FNDC1: variants seen among roughly 807,000 people sequenced by gnomAD.
The protein encoded by FNDC1 is fibronectin type III domain-containing protein 1.
FNDC1 carries 96 observed loss-of-function variants against 168.0 expected under a neutral mutation model. The ratio of observed to expected loss-of-function variants is 0.57; its 90% CI spans 0.48 to 0.68. The LOEUF is 0.68. Ranked by LOEUF, FNDC1 falls within the 30% of genes least tolerant of loss-of-function variation. The pLI, the probability that FNDC1 is intolerant of heterozygous loss-of-function variation, is 0.00. For missense variants in FNDC1, 2,587 were observed against 2,482.1 expected, an observed-to-expected ratio of 1.04 and a Z score of -0.90; for synonymous variants, 1,099 against 1,025.9, an observed-to-expected ratio of 1.07 and a Z score of -1.36.
intron 17 of FNDC1, among the ~76,000 whole-genome samples, chr6:159,252,968 A>G (rs992954874): frequency 2.0e-5 from 3 of 152,014 alleles, no homozygotes; most frequent in African/African-American, 7.3e-5. Flanking sequence ...CTTTCAGAGA[A>G]CTCCCAACAA....
At chr6:159,268,907 C>T (rs532063943) in intron 22 of FNDC1, among the ~76,000 whole-genome samples, 5 of 151,302 alleles carry the variant, frequency 3.3e-5, no homozygotes, top group African/African-American at 1.2e-4. Flanking sequence ...ATCCATCCAT[C>T]TGTTCATCTG....
intron 19 of FNDC1, among the ~76,000 whole-genome samples, chr6:159,263,634 C>T (rs1028696478): frequency 1.1e-4 from 16 of 151,848 alleles, no homozygotes; most frequent in Admixed American, 2.6e-4. Context: ...TGGTGGCGGG[C>T]GCCTGTAGTC....
chr6:159,255,503 C>T (rs1777354786), intron 17 of FNDC1, among the ~76,000 whole-genome samples: 2 of 152,224 alleles, frequency 1.3e-5, no homozygotes, highest in Admixed American at 6.5e-5. Context: ...TTTCCCAGTG[C>T]ACCCTGCGGC....
intron 14 of FNDC1, among the ~76,000 whole-genome samples, chr6:159,243,597 C>T (rs1390259299): frequency 6.6e-6 from 1 of 152,148 alleles, no homozygotes; most frequent in Non-Finnish European, 1.5e-5. Context: ...TGGTTGATGG[C>T]TGGCAACTAT....
intron 1 of FNDC1, among the ~76,000 whole-genome samples, chr6:159,175,278 AG>A (rs1781739165): frequency 6.6e-6 from 1 of 152,192 alleles, no homozygotes; most frequent in South Asian, 2.1e-4. Flanking sequence ...TAATTTTCAC[AG>A]TGACCTTACG....
At chr6:159,199,413 T>G (rs978627794) in intron 2 of FNDC1, among the ~76,000 whole-genome samples, 1 of 152,164 alleles carries the variant, frequency 6.6e-6, no homozygotes, top group East Asian at 1.9e-4. Flanking sequence ...ATATATATAT[T>G]TTTCTAGCTT....
intron 4 of FNDC1, among the ~76,000 whole-genome samples, chr6:159,206,095 C>A (rs1225540012): frequency 6.6e-6 from 1 of 152,228 alleles, no homozygotes; most frequent in Middle Eastern, 3.2e-3. Context: ...GTCATTGGCA[C>A]TTGGTGCAAA....
At chr6:159,239,333 T>C (rs931598606) in intron 13 of FNDC1, among the ~76,000 whole-genome samples, 184 bp from the exon 14 acceptor site, 2 of 152,212 alleles carry the variant, frequency 1.3e-5, no homozygotes. Flanking sequence ...ATTTCTTCCT[T>C]TGCTAGACAC....
chr6:159,239,893 G>A lies in FNDC1; in HGVS notation c.4557G>A (p.Arg1519=), dbSNP rs762397897. The A allele has an allele frequency of 6.3e-5, 97 of 1,533,458 alleles. No individual in the cohort carries two copies. The highest frequency in any genetic ancestry group is 9.7e-5 in the African/African-American group (7 of 72,480). 95.0% of individuals were successfully genotyped at this position (1,533,458 alleles called of 1,614,324 possible). A position where few individuals can be genotyped will look rare whatever the true frequency, so the allele number is the denominator to read the frequency against. ...CCTGTCCCCCTGGGACCTTGGAACG[G>A]CACGACGATGATGGCAACCTGATAA... ...IPTCPPGTLE[R]HDDDGNLIMS... The change falls in exon 14 of 23, where the codon CGG becomes CGA. Residue 1519 remains arginine (R), a synonymous_variant. Transcript: ENST00000297267.
intron 22 of FNDC1, among the ~76,000 whole-genome samples, chr6:159,268,841 T>C (rs62647898): frequency 8.4e-5 from 2 of 23,736 alleles, no homozygotes; most frequent in South Asian, 1.5e-3. Context: ...TCTATCTATC[T>C]ATCTATCTAT....
At chr6:159,196,170 C>G (rs1782237362) in intron 1 of FNDC1, among the ~76,000 whole-genome samples, 1 of 152,236 alleles carries the variant, frequency 6.6e-6, no homozygotes, top group Non-Finnish European at 1.5e-5. Context: ...CCTGTGATTC[C>G]TCCCTCACAG....
At position 159,233,506 on chromosome 6, in the gene FNDC1, C is replaced by T. The variant is rs940513360; in HGVS notation, c.2994C>T (p.Pro998=). The T allele has an allele frequency of 6.2e-6, 10 of 1,602,770 alleles. No individual in the cohort carries two copies. In the African/African-American group the frequency reaches 9.4e-5, roughly 15 times the overall value. Residue 998 remains proline (P), a synonymous_variant, in exon 11 of 23, where the codon CCC becomes CCT. Coordinates refer to ENST00000297267, the MANE Select transcript of FNDC1 (RefSeq NM_032532.3). The surrounding 1 kb of genome is among the most constrained non-coding windows in gnomAD (Gnocchi z 4.6). ...QHPSVPRRMT[P]GRAPQQQPPP... ...CCAGTGTTCCCAGAAGGATGACACC[C>T]GGCCGGGCCCCACAACAGCAGCCCC... is the stretch of plus-strand genomic sequence containing the variant.
chr6:159,239,181 G>C (rs546025892), intron 13 of FNDC1, among the ~76,000 whole-genome samples: 1 of 152,052 alleles, frequency 6.6e-6, no homozygotes. Context: ...CTCTAAAAGC[G>C]GATTGAGTAG....
chr6:159,241,606 A>G (rs435521), intron 14 of FNDC1, among the ~76,000 whole-genome samples: 128,332 of 152,244 alleles, frequency 0.84, 54,577 homozygotes, highest in Non-Finnish European at 0.89. Context: ...GGACAGTAAC[A>G]TATCATCCTC....
intron 17 of FNDC1, among the ~76,000 whole-genome samples, chr6:159,253,660 A>C (rs1777317339): frequency 6.6e-6 from 1 of 152,244 alleles, no homozygotes; most frequent in Non-Finnish European, 1.5e-5. Flanking sequence ...CACCAACGTG[A>C]TGACCTCTTA....
intron 1 of FNDC1, among the ~76,000 whole-genome samples, chr6:159,194,502 C>A (rs1782203711): frequency 6.6e-6 from 1 of 152,152 alleles, no homozygotes; most frequent in Admixed American, 6.6e-5. Flanking sequence ...TAAAAATAAA[C>A]AAGGGACTCA....
At position 159,197,697 on chromosome 6, in the gene FNDC1, A is replaced by T; in HGVS notation, c.304+72A>T. On this transcript the variant is annotated intron_variant, in intron 2 of 22. Coordinates refer to ENST00000297267, the MANE Select transcript of FNDC1 (RefSeq NM_032532.3). ...CAACATTCTCAGTTGCATTCTTAGG[A>T]TGACTGTGAGACAACCCATGGCTGG... The T allele has an allele frequency of 1.1e-5, 15 of 1,403,376 alleles. No homozygotes were observed. In the South Asian group the frequency reaches 2.0e-4, roughly 19 times the overall value. 86.9% of individuals were successfully genotyped at this position (1,403,376 alleles called of 1,614,324 possible).
intron 5 of FNDC1, among the ~76,000 whole-genome samples, chr6:159,220,327 G>A (rs2114974198): frequency 6.6e-6 from 1 of 152,352 alleles, no homozygotes; most frequent in Non-Finnish European, 1.5e-5. Context: ...CTGAAGGAGA[G>A]TGCGTGCTCT....
At chr6:159,193,212 G>A (rs781172425) in intron 1 of FNDC1, among the ~76,000 whole-genome samples, 28 of 152,036 alleles carry the variant, frequency 1.8e-4, no homozygotes, top group Non-Finnish European at 4.0e-4. Context: ...AAAAATCAGG[G>A]TTTTAGCTTC....
Sources: allele counts gnomAD v4.1 joint callset (sites outside exome capture counted in the v4.1 genomes callset), GRCh38; gene constraint gnomAD v4.1.1; non-coding constraint Gnocchi (gnomAD v3.1); transcripts MANE v1.5; gene names NCBI Gene and HGNC (gene_info 2026-07-23, HGNC 2026-07-21).